VOPP1: variants seen among roughly 807,000 people sequenced by gnomAD.
The protein encoded by VOPP1 is WW domain binding protein VOPP1.
In VOPP1, 8 loss-of-function variants were observed where a neutral mutation model predicts 23.5. The ratio of observed to expected loss-of-function variants is 0.34; its 90% CI spans 0.20 to 0.61. VOPP1 has a LOEUF of 0.61. VOPP1 is among the 20% of genes least tolerant of loss of function. The pLI, the probability that VOPP1 is intolerant of heterozygous loss-of-function variation, is 0.78. For synonymous variants in VOPP1, 83 were observed against 97.3 expected (o/e 0.85, Z 0.86); for missense variants, 174 against 238.1 (o/e 0.73, Z 1.77).
At chr7:55,446,194 C>A (rs532086774) in intron 4 of VOPP1, among the ~76,000 whole-genome samples, 1 of 152,050 alleles carries the variant, frequency 6.6e-6, no homozygotes, top group Non-Finnish European at 1.5e-5. Flanking sequence ...GGGGTTTCAC[C>A]ATGTTAGCCA....
At chr7:55,555,983 G>A (rs757522360) in intron 1 of VOPP1, among the ~76,000 whole-genome samples, 9 of 152,130 alleles carry the variant, frequency 5.9e-5, no homozygotes, top group Admixed American at 1.3e-4. Context: ...ATGTTTCCCC[G>A]TAGATTTCGC....
intron 2 of VOPP1, among the ~76,000 whole-genome samples, chr7:55,514,693 G>C (rs1165211147): frequency 1.3e-5 from 2 of 152,182 alleles, no homozygotes; most frequent in Non-Finnish European, 2.9e-5. Context: ...CCAAAGAGGG[G>C]TATGGGCCAC....
chr7:55,537,763 C>A (rs776235215), intron 1 of VOPP1: 1 of 1,348,774 alleles, frequency 7.4e-7, no homozygotes, highest in African/African-American at 1.5e-5. Context: ...GGTCCGGCCC[C>A]CAGGCCCAGG....
At chr7:55,438,936 G>A (rs1040144251) in intron 4 of VOPP1, among the ~76,000 whole-genome samples, 2 of 152,132 alleles carry the variant, frequency 1.3e-5, no homozygotes, top group Non-Finnish European at 2.9e-5. Context: ...TAAGACAGTT[G>A]TCAGCTATGG....
chr7:55,529,747 T>C (rs1013187043), intron 1 of VOPP1, among the ~76,000 whole-genome samples: 7 of 152,186 alleles, frequency 4.6e-5, no homozygotes, highest in Admixed American at 6.5e-5. Context: ...TTCCAACTCC[T>C]ACCCCAGCGC....
intron 1 of VOPP1, among the ~76,000 whole-genome samples, chr7:55,531,400 A>G (rs1417747704): frequency 1.4e-5 from 2 of 142,864 alleles, no homozygotes; most frequent in African/African-American, 5.2e-5. Flanking sequence ...CCCATGCTGG[A>G]GTGCAGTGGT....
intron 2 of VOPP1, among the ~76,000 whole-genome samples, chr7:55,519,926 G>A (rs910732069): frequency 1.3e-5 from 2 of 152,178 alleles, no homozygotes; most frequent in African/African-American, 4.8e-5. Context: ...ATAGGAGTTC[G>A]AGACCAGCCT....
At chr7:55,441,796 C>T (rs1342122661) in intron 4 of VOPP1, among the ~76,000 whole-genome samples, 1 of 152,160 alleles carries the variant, frequency 6.6e-6, no homozygotes, top group Admixed American at 6.5e-5. Flanking sequence ...CAGTCCCTCC[C>T]TTCAGGGAAC....
intron 1 of VOPP1, chr7:55,537,576 G>A (rs1481243646): frequency 2.0e-5 from 30 of 1,535,806 alleles, no homozygotes; most frequent in East Asian, 2.4e-5. Flanking sequence ...CCAGCCAGTC[G>A]CCCACGGTCC....
chr7:55,453,783 A>G (rs1310341662), intron 4 of VOPP1, among the ~76,000 whole-genome samples: 1 of 152,220 alleles, frequency 6.6e-6, no homozygotes, highest in Non-Finnish European at 1.5e-5. Context: ...TGGCACTGAT[A>G]GACTTCCTTG....
At chr7:55,510,863 C>T in intron 2 of VOPP1, among the ~76,000 whole-genome samples, 1 of 148,840 alleles carries the variant, frequency 6.7e-6, no homozygotes, top group African/African-American at 2.4e-5. Context: ...AGTCTCTGCT[C>T]CACCCCGCTT....
chr7:55,501,769 CAG>C (rs1794386615), intron 2 of VOPP1, among the ~76,000 whole-genome samples: 1 of 152,154 alleles, frequency 6.6e-6, no homozygotes, highest in South Asian at 2.1e-4. Flanking sequence ...GGGTGCAGAA[CAG>C]AGACGACATA....
At chr7:55,499,488 A>G (rs1794214111) in intron 2 of VOPP1, among the ~76,000 whole-genome samples, 1 of 152,262 alleles carries the variant, frequency 6.6e-6, no homozygotes, top group Non-Finnish European at 1.5e-5. Flanking sequence ...AGGGTGGAGC[A>G]GGGAAAACCC....
chr7:55,548,515 C>T (rs1037956409), intron 1 of VOPP1, among the ~76,000 whole-genome samples: 3 of 152,222 alleles, frequency 2.0e-5, no homozygotes, highest in African/African-American at 7.2e-5. Flanking sequence ...GACCTGCATT[C>T]GTTCCATGAG....
At chr7:55,555,514 G>T (rs1003987589) in intron 1 of VOPP1, among the ~76,000 whole-genome samples, 1 of 152,216 alleles carries the variant, frequency 6.6e-6, no homozygotes, top group South Asian at 2.1e-4. Flanking sequence ...CACAGTGGGG[G>T]TAACCACTAG....
At chr7:55,544,134 G>A (rs6593257) in intron 1 of VOPP1, among the ~76,000 whole-genome samples, 142,536 of 152,248 alleles carry the variant, frequency 0.94, 67,196 homozygotes, top group East Asian at 1. Context: ...TCATATGGAT[G>A]TACAGTTTTC....
intron 4 of VOPP1, among the ~76,000 whole-genome samples, chr7:55,441,150 G>T (rs1287096723): frequency 1.3e-5 from 2 of 152,128 alleles, no homozygotes; most frequent in Non-Finnish European, 2.9e-5. Context: ...GCACAGAGCC[G>T]CCCGCTCTGC....
chr7:55,546,040 C>G (rs116915069), intron 1 of VOPP1, among the ~76,000 whole-genome samples: 1,663 of 152,192 alleles, frequency 0.011, 11 homozygotes, highest in Middle Eastern at 0.02. Context: ...GCACTCCAGT[C>G]TGGGTGACAG....
chr7:55,492,907 T>C (rs1025476732), intron 3 of VOPP1: 2 of 152,564 alleles, frequency 1.3e-5, no homozygotes, highest in African/African-American at 4.8e-5. Context: ...CACGTCTCCA[T>C]TATCACATCA....
Sources: allele counts gnomAD v4.1 joint callset (sites outside exome capture counted in the v4.1 genomes callset), GRCh38; gene constraint gnomAD v4.1.1; transcripts MANE v1.5; gene names NCBI Gene and HGNC (gene_info 2026-07-23, HGNC 2026-07-21).